HIRA: variants seen among roughly 807,000 people sequenced by gnomAD.
The protein encoded by HIRA is histone cell cycle regulator.
HIRA carries 13 observed loss-of-function variants against 126.6 expected under a neutral mutation model. The ratio of observed to expected loss-of-function variants is 0.10; its 90% CI spans 0.07 to 0.16. HIRA has a LOEUF of 0.16. HIRA is among the 10% of genes least tolerant of loss of function. The pLI is 1.00. For synonymous variants in HIRA, 511 were observed against 520.0 expected (o/e 0.98, Z 0.24); for missense variants, 834 against 1,314.4 (o/e 0.63, Z 5.65).
chr22:19,334,014 G>A (rs916920323), intron 24 of HIRA, among the ~76,000 whole-genome samples: 14 of 149,654 alleles, frequency 9.4e-5, no homozygotes, highest in African/African-American at 2.5e-4. Context: ...TCGATCTGTC[G>A]CCCAGGCTGG....
At chr22:19,408,330 C>T (rs890054559) in intron 3 of HIRA, among the ~76,000 whole-genome samples, 153 bp downstream of exon 3, 6 of 152,210 alleles carry the variant, frequency 3.9e-5, no homozygotes, top group Non-Finnish European at 5.9e-5. Flanking sequence ...CTGAATAACT[C>T]ACCCAGGTGT....
chr22:19,331,697 G>C, intron 24 of HIRA, 141 bp from the exon 25 acceptor site: 2 of 782,308 alleles, frequency 2.6e-6, no homozygotes, highest in Non-Finnish European at 4.1e-6. Flanking sequence ...GAAACTGTGA[G>C]AGAGCTGTGG....
intron 1 of HIRA, among the ~76,000 whole-genome samples, chr22:19,421,637 A>C (rs943315615): frequency 2.6e-5 from 4 of 152,032 alleles, no homozygotes; most frequent in Non-Finnish European, 5.9e-5. Context: ...CTGCCCTTAG[A>C]CTGGAACTCA....
At chr22:19,414,936 CTTATTTATTTAT>C (rs138847743) in intron 1 of HIRA, among the ~76,000 whole-genome samples, 1 of 150,684 alleles carries the variant, frequency 6.6e-6, no homozygotes, top group South Asian at 2.1e-4. Flanking sequence ...ACAACACAAA[CTTATTTATTTAT>C]TTATTTATTT....
At chr22:19,365,244 T>C (rs1318790598) in intron 15 of HIRA, among the ~76,000 whole-genome samples, 1 of 152,196 alleles carries the variant, frequency 6.6e-6, no homozygotes, top group African/African-American at 2.4e-5. Flanking sequence ...TATTAGAACA[T>C]CTAGCTAAGA....
intron 12 of HIRA, among the ~76,000 whole-genome samples, chr22:19,384,072 A>T (rs901053507): frequency 1.3e-5 from 2 of 152,064 alleles, no homozygotes; most frequent in Non-Finnish European, 2.9e-5. Context: ...TAATCCCAGC[A>T]CTTTGGGGAG....
Position 19,431,631 on chromosome 22 carries a change from C to T in HIRA, c.-155G>A. 2.9e-6 allele frequency: 2 copies of T among 685,286 alleles called. No individual in the cohort carries two copies. Among genetic ancestry groups the T allele is most frequent in the South Asian group, 6.3e-5 (1 of 15,768 alleles). The allele number at this position is 685,286 out of a possible 1,614,324, so 42.5% of individuals were successfully genotyped here. A position where few individuals can be genotyped will look rare whatever the true frequency, so the allele number is the denominator to read the frequency against. ...GGGCCGCCGCGCCATCGCCGGCCCG[C>T]GCCCCCCTCCGCCGCCACAGCCGCC... On this transcript the variant is annotated 5_prime_UTR_variant, in exon 1 of 25. Transcript: ENST00000263208.
intron 1 of HIRA, among the ~76,000 whole-genome samples, chr22:19,418,545 T>C (rs567607565): frequency 3.1e-4 from 47 of 151,912 alleles, no homozygotes; most frequent in Non-Finnish European, 6.2e-4. Context: ...GGCAGGAGAA[T>C]GGCATGAACC....
At chr22:19,353,296 A>G in intron 23 of HIRA, 60 bp downstream of exon 23, 1 of 1,590,914 alleles carries the variant, frequency 6.3e-7, no homozygotes, top group Non-Finnish European at 8.6e-7. Flanking sequence ...GGACTAAGTG[A>G]GGCCTGGGAG....
chr22:19,354,627 A>T (rs2088792734), intron 21 of HIRA, among the ~76,000 whole-genome samples: 1 of 152,224 alleles, frequency 6.6e-6, no homozygotes. Flanking sequence ...GAACAGCTAG[A>T]TGTCTTTGTA....
intron 17 of HIRA, among the ~76,000 whole-genome samples, chr22:19,359,836 G>A (rs542551300): frequency 6.6e-6 from 1 of 152,348 alleles, no homozygotes; most frequent in South Asian, 2.1e-4. Context: ...ACACTGCAAA[G>A]GACCGAGCTG....
intron 4 of HIRA, 27 bp downstream of exon 4, chr22:19,407,157 A>G: frequency 6.4e-7 from 1 of 1,573,476 alleles, no homozygotes; most frequent in Non-Finnish European, 8.7e-7. Context: ...TAAAAATAAA[A>G]TGTGAAGAAA....
chr22:19,362,047 A>G (rs924519439), intron 15 of HIRA, 116 bp from the exon 16 acceptor site: 106 of 956,628 alleles, frequency 1.1e-4, no homozygotes, highest in Non-Finnish European at 1.6e-4. Flanking sequence ...TTCTGTGTCC[A>G]GTGAAATTAT....
At chr22:19,399,870 A>G (rs962215284) in intron 5 of HIRA, among the ~76,000 whole-genome samples, 31 of 152,184 alleles carry the variant, frequency 2.0e-4, no homozygotes, top group African/African-American at 7.2e-4. Flanking sequence ...TATTGTGACC[A>G]TTTACTGGGA....
intron 1 of HIRA, among the ~76,000 whole-genome samples, chr22:19,416,088 T>C (rs964001678): frequency 3.3e-5 from 5 of 152,138 alleles, no homozygotes; most frequent in African/African-American, 4.8e-5. Context: ...GTTGTGTATA[T>C]GATCAAATGA....
At chr22:19,366,502 A>G (rs2088914782) in intron 15 of HIRA, among the ~76,000 whole-genome samples, 1 of 152,232 alleles carries the variant, frequency 6.6e-6, no homozygotes, top group Non-Finnish European at 1.5e-5. Flanking sequence ...AACCTTAACA[A>G]GAGTTTGGAA....
intron 21 of HIRA, among the ~76,000 whole-genome samples, chr22:19,355,192 C>A (rs899922531): frequency 6.6e-6 from 1 of 152,038 alleles, no homozygotes; most frequent in African/African-American, 2.4e-5. Flanking sequence ...AAGGTATAGA[C>A]AGAAGAAAAG....
intron 24 of HIRA, among the ~76,000 whole-genome samples, chr22:19,338,623 G>A (rs1239744747): frequency 6.6e-6 from 1 of 152,092 alleles, no homozygotes; most frequent in African/African-American, 2.4e-5. Flanking sequence ...GGTGAAAAAA[G>A]ATATTCCATG....
intron 19 of HIRA, 21 bp downstream of exon 19, chr22:19,356,869 C>A (rs1181041725): frequency 6.2e-7 from 1 of 1,612,584 alleles, no homozygotes; most frequent in East Asian, 2.2e-5. Context: ...AAGCCCACCC[C>A]ACCCTGTGCC....
Sources: gnomAD v4.1 joint callset for allele counts (sites outside exome capture counted in the v4.1 genomes callset) on GRCh38, gnomAD v4.1.1 for gene constraint, MANE v1.5 for transcripts, NCBI Gene and HGNC (gene_info 2026-07-23, HGNC 2026-07-21) for gene names.